Variants in SERINC4 observed in about 807,000 individuals in gnomAD.
The protein encoded by SERINC4 is serine incorporator 4.
Under a neutral mutation model 52.0 loss-of-function variants are expected in SERINC4, and 52 were observed. The observed-to-expected ratio is 1.00, with a 90% CI of 0.80 to 1.26. The LOEUF (loss-of-function observed/expected upper bound fraction) is 1.26, where lower values mean the gene tolerates loss of function less well. Among genes scored for constraint, SERINC4 ranks in the 50% most tolerant of loss-of-function variants. The pLI is 0.00. For missense variants in SERINC4, 723 were observed against 632.8 expected (o/e 1.14, Z -1.53); for synonymous variants, 264 against 247.7 (o/e 1.07, Z -0.62).
In SERINC4 at chr15:43,796,603, C is replaced by T. The variant is rs1380082761; in HGVS notation, c.1067+13G>A. The T allele has an allele frequency of 6.2e-7, 1 of 1,613,798 alleles. No individual in the cohort carries two copies. Among genetic ancestry groups the T allele is most frequent in the Admixed American group, 1.7e-5 (1 of 60,002 alleles). On this transcript the variant is annotated intron_variant, in intron 8 of 11. Transcript: ENST00000319327. ...CCTCCTTTCATACCTCCACCCTTGA[C>T]ACCTTTACGCACCAAGCAAAAAGCA... is the stretch of plus-strand genomic sequence containing the variant.
chr15:43,799,608 C>T lies in SERINC4; in HGVS notation c.103-122G>A, dbSNP rs1275858069. The T allele has an allele frequency of 3.2e-6, 4 of 1,250,638 alleles. No individual in the cohort carries two copies. In the Admixed American group the frequency reaches 7.9e-5, roughly 25 times the overall value. The allele number at this position is 1,250,638 out of a possible 1,614,324, so 77.5% of individuals were successfully genotyped here. On this transcript the variant is annotated intron_variant, in intron 1 of 11. Coordinates refer to ENST00000319327, the MANE Select transcript of SERINC4 (RefSeq NM_001258031.2). ...CAAAATTTCCCCTTCCCCTTTCTTC[C>T]TTTTACTCAGGTTCTGTTTCAAGCT... is the stretch of plus-strand genomic sequence containing the variant.
rs1449095481 is a variant in SERINC4 at position 43,795,556 on chromosome 15, T to G, written c.1190-15A>C. ...ACCCCTTTGCCCTGGAGAGAGGAAATGGCTGCTGGGAGCAGAGCTGCTGAA... is the reference window on the plus strand; with the variant it reads ...ACCCCTTTGCCCTGGAGAGAGGAAAGGGCTGCTGGGAGCAGAGCTGCTGAA... On this transcript the variant is annotated splice_polypyrimidine_tract_variant and intron_variant, in intron 10 of 11. Transcript: ENST00000319327. 6.2e-7 allele frequency: 1 copy of G among 1,613,990 alleles called. No homozygotes were observed. Among genetic ancestry groups the G allele is most frequent in the African/African-American group, 1.3e-5 (1 of 74,994 alleles).
In SERINC4 at chr15:43,795,745, C is replaced by G; in HGVS notation, c.1141-9G>C. 6.2e-7 allele frequency: 1 copy of G among 1,613,450 alleles called. No homozygotes were observed. Among genetic ancestry groups the G allele is most frequent in the Non-Finnish European group, 8.5e-7 (1 of 1,179,666 alleles). On this transcript the variant is annotated splice_polypyrimidine_tract_variant and intron_variant, in intron 9 of 11. Coordinates refer to ENST00000319327, the MANE Select transcript of SERINC4 (RefSeq NM_001258031.2). ...AAACACAGTGAGGGCTTCTGCAAAA[C>G]AGAACGCAGGTTTTGGAATGGTCTT...
rs1323309862 is a variant in SERINC4 at position 43,796,758 on chromosome 15, A to G, written c.941-16T>C. ...TGAAGGATTACTGGGAAGGGACAACAGAAGAGATGGGTATTAACAATGAGC... is the reference window on the plus strand; with the variant it reads ...TGAAGGATTACTGGGAAGGGACAACGGAAGAGATGGGTATTAACAATGAGC... On this transcript the variant is annotated splice_polypyrimidine_tract_variant and intron_variant, in intron 7 of 11. Coordinates refer to ENST00000319327, the MANE Select transcript of SERINC4 (RefSeq NM_001258031.2). 6.2e-7 allele frequency: 1 copy of G among 1,614,204 alleles called. No individual in the cohort carries two copies. Among genetic ancestry groups the G allele is most frequent in the African/African-American group, 1.3e-5 (1 of 75,070 alleles).
At chr15:43,797,020 C>G (rs1383784056) in intron 6 of SERINC4, 80 bp from the exon 7 acceptor site, 8 of 1,471,536 alleles carry the variant, frequency 5.4e-6, no homozygotes, top group Non-Finnish European at 7.6e-6. Flanking sequence ...TTCTGTCTCC[C>G]CATCCTTTGG....
At chr15:43,796,033 G>A (rs931237543) in intron 9 of SERINC4, 122 bp downstream of exon 9, 3 of 761,738 alleles carry the variant, frequency 3.9e-6, no homozygotes, top group East Asian at 2.4e-5. Context: ...CACATTGTGG[G>A]TACTCAATAA....
chr15:43,794,418 C>T lies in SERINC4; in HGVS notation c.*582G>A, dbSNP rs1442706521. ...GTTGGCCAAAAAATCCTGCTGCTCA[C>T]CGACTTCCCGTGGTCAGCTGCTGTC... On this transcript the variant is annotated 3_prime_UTR_variant, in exon 12 of 12. Coordinates refer to ENST00000319327, the MANE Select transcript of SERINC4 (RefSeq NM_001258031.2). 1 of 163,466 alleles carries T rather than the reference C, an allele frequency of 6.1e-6. No individual in the cohort carries two copies. Among genetic ancestry groups the T allele is most frequent in the Non-Finnish European group, 1.3e-5 (1 of 74,718 alleles). The allele number at this position is 163,466 out of a possible 1,614,324, so 10.1% of individuals were successfully genotyped here. A position where few individuals can be genotyped will look rare whatever the true frequency, so the allele number is the denominator to read the frequency against.
At position 43,794,277 on chromosome 15, in the gene SERINC4, G is replaced by C. The variant is rs568898114; in HGVS notation, c.*723C>G. The C allele has an allele frequency of 1.3e-5, 4 of 310,618 alleles. No individual in the cohort carries two copies. The highest frequency in any genetic ancestry group is 6.4e-5 in the African/African-American group (3 of 46,592). The allele number at this position is 310,618 out of a possible 1,614,324, so 19.2% of individuals were successfully genotyped here. On this transcript the variant is annotated 3_prime_UTR_variant, in exon 12 of 12. Transcript: ENST00000319327. ...TAGAGACTTCTTTTCTGTGATTTTT[G>C]TTCCCCACCCTTGAACACCATCTCT...
At chr15:43,797,013 T>C (rs1169818152) in intron 6 of SERINC4, 73 bp from the exon 7 acceptor site, 1 of 1,464,424 alleles carries the variant, frequency 6.8e-7, no homozygotes, top group East Asian at 2.3e-5. Context: ...CTTGTACTTC[T>C]GTCTCCCCAT....
chr15:43,794,817 TCAGA>T lies in SERINC4; in HGVS notation c.*179_*182del. 1 of 576,078 alleles carries T rather than the reference TCAGA, an allele frequency of 1.7e-6. No individual in the cohort carries two copies. The highest frequency in any genetic ancestry group is 3.1e-6 in the Non-Finnish European group (1 of 325,198). 35.7% of individuals were successfully genotyped at this position (576,078 alleles called of 1,614,324 possible). On this transcript the variant is annotated 3_prime_UTR_variant, in exon 12 of 12. Transcript: ENST00000319327. Reference sequence around the variant, plus strand: ...CAGATGTAACAGTAGCTCCAGTGAGTCAGACACTCTGCCCAGCACATTAGACTGT... The same window carrying T: ...CAGATGTAACAGTAGCTCCAGTGAGTCACTCTGCCCAGCACATTAGACTGT...
Position 43,796,164 on chromosome 15 carries a change from A to G in SERINC4, c.1131T>C (p.Tyr377=), listed in dbSNP as rs2087211104. ...GPLWIVKVYS[Y]EFQKPSLCFC... ...AGCTCTTTATCCTCACCTGAAACTC[A>G]TAGCTGTAAACCTTGACAATCCACA... Residue 377 remains tyrosine, a synonymous_variant, in exon 9 of 12, where the codon TAT becomes TAC. Transcript: ENST00000319327. 7 of 1,613,064 alleles carry G rather than the reference A, an allele frequency of 4.3e-6. No homozygotes were observed. The highest frequency in any genetic ancestry group is 1.3e-5 in the African/African-American group (1 of 74,918).
chr15:43,799,953 T>C lies in SERINC4; in HGVS notation c.34A>G (p.Thr12Ala), dbSNP rs1392015702. Reference protein sequence around the residue: ...VGAKAGPSPGTSLGLAQQHSG... With the variant: ...VGAKAGPSPGASLGLAQQHSG... ...TGCTGCTGTGCCAGGCCCAGGGAGG[T>C]GCCGGGGCTGGGGCCGGCCTTGGCA... Residue 12 changes from threonine (T) to alanine (A), a missense_variant, in exon 1 of 12, where the codon ACC (threonine) becomes GCC (alanine). Coordinates refer to ENST00000319327, the MANE Select transcript of SERINC4 (RefSeq NM_001258031.2). 6.5e-7 allele frequency: 1 copy of C among 1,547,948 alleles called. No individual in the cohort carries two copies. The highest frequency in any genetic ancestry group is 2.4e-5 in the East Asian group (1 of 40,886).
At chr15:43,795,879 G>C in intron 9 of SERINC4, 143 bp from the exon 10 acceptor site, 5 of 787,634 alleles carry the variant, frequency 6.3e-6, no homozygotes, top group Non-Finnish European at 1.0e-5. Context: ...GCATATAAGT[G>C]GCTGTGCAGA....
At chr15:43,795,815 GATT>G in intron 9 of SERINC4, 79 bp from the exon 10 acceptor site, 1 of 1,475,388 alleles carries the variant, frequency 6.8e-7, no homozygotes, top group East Asian at 2.3e-5. Flanking sequence ...CCCGTGAAAA[GATT>G]GGTCTAGTAT....
chr15:43,797,709 C>T (rs1358015674), intron 5 of SERINC4: 2 of 561,468 alleles, frequency 3.6e-6, no homozygotes, highest in East Asian at 3.1e-5. Flanking sequence ...AACTCTTTTA[C>T]CCATTACCAA....
At position 43,799,437 on chromosome 15, in the gene SERINC4, C is replaced by T. The variant is rs1434379717; in HGVS notation, c.152G>A (p.Trp51Ter). 1 of 1,550,788 alleles carries T rather than the reference C, an allele frequency of 6.4e-7. No individual in the cohort carries two copies. The highest frequency in any genetic ancestry group is 8.7e-7 in the Non-Finnish European group (1 of 1,147,030). ...APCASCCHSR[W>*]PSLTASTCSR... ...GCAAGTGGATGCGGTGAGAGAGGGC[C>T]ACCTAGAGTGGCAGCAGCTGGCACA... Residue 51 changes from tryptophan to a stop codon, truncating the protein, a stop_gained, in exon 2 of 12, where the codon TGG (tryptophan) becomes TAG (stop). Coordinates refer to ENST00000319327, the MANE Select transcript of SERINC4 (RefSeq NM_001258031.2). LOFTEE classifies it high-confidence loss of function.
intron 9 of SERINC4, 137 bp from the exon 10 acceptor site, chr15:43,795,873 AT>A: frequency 1.2e-6 from 1 of 827,078 alleles, no homozygotes. Flanking sequence ...GCTCCAGCAT[AT>A]AAGTGGCTGT....
intron 11 of SERINC4, 25 bp from the exon 12 acceptor site, chr15:43,795,238 G>T (rs1397265633): frequency 6.2e-7 from 1 of 1,610,118 alleles, no homozygotes; most frequent in East Asian, 2.2e-5. Flanking sequence ...GCTCTGGTTA[G>T]AGAATATGAA....
At chr15:43,799,563 T>A (rs544084102) in intron 1 of SERINC4, 77 bp from the exon 2 acceptor site, 1 of 1,516,648 alleles carries the variant, frequency 6.6e-7, no homozygotes, top group South Asian at 1.2e-5. Context: ...TGTGTGAGGT[T>A]AACCCAGGAG....
Sources: allele counts gnomAD v4.1 joint callset, GRCh38; gene constraint gnomAD v4.1.1; transcripts MANE v1.5; gene names NCBI Gene and HGNC (gene_info 2026-07-23, HGNC 2026-07-21).